OR2L13: variants seen among roughly 807,000 people sequenced by gnomAD.
The protein encoded by OR2L13 is olfactory receptor 2L13.
A neutral mutation model predicts 15.3 loss-of-function variants in OR2L13; 14 were observed. That is an observed-to-expected ratio of 0.91 (90% confidence interval 0.60 to 1.43). The LOEUF (loss-of-function observed/expected upper bound fraction) is 1.43. Among genes scored for constraint, OR2L13 ranks in the 40% most tolerant of loss-of-function variants. The probability of loss-of-function intolerance (pLI) is 0.00; values close to 1 mark genes in which losing one functional copy is unlikely to be tolerated. For synonymous variants in OR2L13, 152 were observed against 142.9 expected, an observed-to-expected ratio of 1.06 and a Z score of -0.45; for missense variants, 367 against 387.9, an observed-to-expected ratio of 0.95 and a Z score of 0.45.
At chr1:247,955,106 A>G in the OR2L13 span, among the ~76,000 whole-genome samples, 1 of 117,710 alleles carries the variant, frequency 8.5e-6, no homozygotes, top group African/African-American at 3.5e-5. Flanking sequence ...CCCTTCCCCC[A>G]CCCCACAGCA....
upstream of OR2L13, among the ~76,000 whole-genome samples, chr1:248,095,605 TGC>T (rs1664714538): frequency 5.9e-5 from 6 of 101,206 alleles, no homozygotes; most frequent in Non-Finnish European, 1.2e-4. Context: ...GTAAAGCTGC[TGC>T]TTTTTTTTTT....
At chr1:247,974,924 A>T in the OR2L13 span, 2 of 266,844 alleles carry the variant, frequency 7.5e-6, no homozygotes, top group Non-Finnish European at 1.6e-5. Context: ...TTTATTTCTT[A>T]CTTAGTCGGC....
At chr1:248,008,115 G>T in the OR2L13 span, among the ~76,000 whole-genome samples, 1 of 152,008 alleles carries the variant, frequency 6.6e-6, no homozygotes, top group Admixed American at 6.6e-5. Flanking sequence ...ATACTTTTCT[G>T]GTACCCTCCC....
the OR2L13 span, among the ~76,000 whole-genome samples, chr1:248,020,109 T>A: frequency 1.3e-5 from 2 of 152,160 alleles, no homozygotes; most frequent in African/African-American, 4.8e-5. Context: ...GGTATACATG[T>A]CTGGCTTTAT....
chr1:247,973,567 AC>A, the OR2L13 span, among the ~76,000 whole-genome samples: 3 of 152,200 alleles, frequency 2.0e-5, no homozygotes, highest in African/African-American at 7.2e-5. Context: ...AATACAACTT[AC>A]AAGCAATGTG....
the OR2L13 span, among the ~76,000 whole-genome samples, chr1:248,080,830 G>A: frequency 3.9e-5 from 6 of 152,164 alleles, no homozygotes; most frequent in African/African-American, 1.4e-4. Flanking sequence ...TCTGGTCCTA[G>A]ATCCTTGAGG....
At chr1:248,095,607 CTTTT>C (rs780686820), upstream of OR2L13, among the ~76,000 whole-genome samples, 1 of 37,294 alleles carries the variant, frequency 2.7e-5, no homozygotes, top group Non-Finnish European at 5.4e-5. Flanking sequence ...AAAGCTGCTG[CTTTT>C]TTTTTTTTTT....
At chr1:248,022,205 T>C in the OR2L13 span, 49 of 1,614,164 alleles carry the variant, frequency 3.0e-5, no homozygotes, top group Non-Finnish European at 4.2e-5. Flanking sequence ...ATTTTCTGTA[T>C]GGAAACAAGT....
the OR2L13 span, among the ~76,000 whole-genome samples, chr1:248,063,846 G>T: frequency 6.6e-6 from 1 of 152,136 alleles, no homozygotes; most frequent in Non-Finnish European, 1.5e-5. Flanking sequence ...CAGGCAAATT[G>T]CCCCACGTGG....
At chr1:248,018,936 T>C in the OR2L13 span, among the ~76,000 whole-genome samples, 1 of 152,200 alleles carries the variant, frequency 6.6e-6, no homozygotes, top group Non-Finnish European at 1.5e-5. Context: ...CTTTGCATAA[T>C]GTAATCAAAG....
chr1:248,012,967 A>C, the OR2L13 span, among the ~76,000 whole-genome samples: 1 of 151,856 alleles, frequency 6.6e-6, no homozygotes, highest in Non-Finnish European at 1.5e-5. Context: ...TAATTACTAA[A>C]TATATTCTAG....
At chr1:247,997,825 T>C in the OR2L13 span, among the ~76,000 whole-genome samples, 2 of 152,198 alleles carry the variant, frequency 1.3e-5, no homozygotes, top group Non-Finnish European at 2.9e-5. Flanking sequence ...AAAGTTTCAG[T>C]GGACATTCCC....
the OR2L13 span, among the ~76,000 whole-genome samples, chr1:248,051,612 T>C: frequency 1.3e-5 from 2 of 152,108 alleles, no homozygotes; most frequent in African/African-American, 4.8e-5. Context: ...AGGCAAGGGT[T>C]GGAAAGCTAC....
the OR2L13 span, among the ~76,000 whole-genome samples, chr1:247,968,376 G>C: frequency 6.6e-6 from 1 of 152,114 alleles, no homozygotes; most frequent in African/African-American, 2.4e-5. Flanking sequence ...TTAAGTTCTA[G>C]GGTACATGTG....
chr1:247,961,623 A>G, the OR2L13 span, among the ~76,000 whole-genome samples: 1 of 152,338 alleles, frequency 6.6e-6, no homozygotes, highest in Non-Finnish European at 1.5e-5. Context: ...CATGGACAAT[A>G]TTGGGTCAGA....
the OR2L13 span, among the ~76,000 whole-genome samples, chr1:247,994,355 C>G: frequency 6.6e-6 from 1 of 152,236 alleles, no homozygotes; most frequent in South Asian, 2.1e-4. Flanking sequence ...TGATATCGCT[C>G]CACTGCACTC....
chr1:248,003,063 C>T, the OR2L13 span: 519 of 814,060 alleles, frequency 6.4e-4, 4 homozygotes, highest in South Asian at 7.1e-3. Flanking sequence ...TGAAATTCTG[C>T]GGATAAGGAT....
At chr1:247,998,848 G>C in the OR2L13 span, among the ~76,000 whole-genome samples, 1 of 152,106 alleles carries the variant, frequency 6.6e-6, no homozygotes. Flanking sequence ...ATATGGTAAA[G>C]TTTCAGTGAA....
At chr1:248,016,575 G>T in the OR2L13 span, among the ~76,000 whole-genome samples, 1 of 151,954 alleles carries the variant, frequency 6.6e-6, no homozygotes, top group African/African-American at 2.4e-5. Flanking sequence ...TAATGATTAT[G>T]TATTTCAGTA....
Sources: gnomAD v4.1 joint callset for allele counts (sites outside exome capture counted in the v4.1 genomes callset) on GRCh38, gnomAD v4.1.1 for gene constraint, MANE v1.5 for transcripts, NCBI Gene and HGNC (gene_info 2026-07-23, HGNC 2026-07-21) for gene names.